The following PDE7B variants were observed in gnomAD, a reference collection of about 807,000 sequenced individuals.
PDE7B encodes phosphodiesterase 7B.
PDE7B carries 29 observed loss-of-function variants against 56.2 expected under a neutral mutation model. That is an observed-to-expected ratio of 0.52 (90% CI 0.38 to 0.70). The LOEUF (loss-of-function observed/expected upper bound fraction) is 0.70, where lower values mean the gene tolerates loss of function less well. PDE7B is among the 30% of genes least tolerant of loss of function. PDE7B has a pLI of 0.00. For missense variants in PDE7B, 490 were observed against 565.0 expected, an observed-to-expected ratio of 0.87 and a Z score of 1.35; for synonymous variants, 197 against 196.9, an observed-to-expected ratio of 1.00 and a Z score of 0.00.
chr6:135,896,469 CACCCGTTCCTATCTG>C (rs1775903671), intron 1 of PDE7B, among the ~76,000 whole-genome samples: 1 of 152,142 alleles, frequency 6.6e-6, no homozygotes, highest in African/African-American at 2.4e-5. Context: ...TATTTTTCTG[CACCCGTTCCTATCTG>C]ACCAGGCTAA....
chr6:136,011,423 C>A (rs546165290), intron 2 of PDE7B, among the ~76,000 whole-genome samples: 1 of 152,168 alleles, frequency 6.6e-6, no homozygotes, highest in South Asian at 2.1e-4. Context: ...ATTATAGAAT[C>A]TATTGGATCA....
intron 1 of PDE7B, among the ~76,000 whole-genome samples, chr6:135,945,313 C>T (rs902903627): frequency 7.2e-5 from 11 of 152,058 alleles, no homozygotes; most frequent in Non-Finnish European, 1.5e-4. Context: ...AAATATGACA[C>T]GAGGTGAGCA....
intron 1 of PDE7B, among the ~76,000 whole-genome samples, chr6:135,875,723 T>G (rs1775478847): frequency 6.6e-6 from 1 of 152,248 alleles, no homozygotes; most frequent in East Asian, 1.9e-4. Context: ...GTGTTTAGAC[T>G]AAAACGTATC....
intron 2 of PDE7B, among the ~76,000 whole-genome samples, chr6:136,077,108 G>A (rs1294269213): frequency 6.6e-6 from 1 of 151,042 alleles, no homozygotes; most frequent in African/African-American, 2.4e-5. Flanking sequence ...AGGTGGGGGT[G>A]GGAAGAGAGG....
rs1779240660 is a variant in PDE7B, at chr6:136,192,122, G to C, written c.*282G>C. 1 of 460,042 alleles carries C rather than the reference G, an allele frequency of 2.2e-6. No homozygotes were observed. Among genetic ancestry groups the C allele is most frequent in the East Asian group, 4.1e-5 (1 of 24,358 alleles). The allele number at this position is 460,042 out of a possible 1,614,324, so 28.5% of individuals were successfully genotyped here. ...TCCCTGCTCCAGGAGAAGACTAGGA[G>C]GAAGAATGAGGTGCTCCTGCCGTGT... is the stretch of plus-strand genomic sequence containing the variant. On this transcript the variant is annotated 3_prime_UTR_variant, in exon 13 of 13. Transcript: ENST00000308191.
At chr6:135,906,826 T>TTTG (rs1776121267) in intron 1 of PDE7B, among the ~76,000 whole-genome samples, 1 of 147,106 alleles carries the variant, frequency 6.8e-6, no homozygotes, top group East Asian at 2.0e-4. Context: ...TTTTTTTTTT[T>TTTG]TTTTTTTTTT....
chr6:135,974,670 C>T (rs1775152874), intron 2 of PDE7B, among the ~76,000 whole-genome samples: 1 of 152,154 alleles, frequency 6.6e-6, no homozygotes, highest in Non-Finnish European at 1.5e-5. Context: ...CAGTTACACC[C>T]CAGAAGGTAT....
intron 2 of PDE7B, among the ~76,000 whole-genome samples, chr6:135,982,217 A>T (rs149934378): frequency 1.6e-4 from 25 of 152,228 alleles, no homozygotes; most frequent in Non-Finnish European, 3.1e-4. Flanking sequence ...TAAGGAGGGG[A>T]TGTATTATAA....
intron 2 of PDE7B, among the ~76,000 whole-genome samples, chr6:136,008,583 A>G (rs565749738): frequency 6.6e-6 from 1 of 152,214 alleles, no homozygotes; most frequent in East Asian, 1.9e-4. Context: ...TCTGATGGCC[A>G]GTGAGGATGA....
intron 2 of PDE7B, among the ~76,000 whole-genome samples, chr6:135,997,010 C>G (rs914784783): frequency 1.3e-5 from 2 of 152,110 alleles, no homozygotes; most frequent in African/African-American, 4.8e-5. Context: ...TCTGAACTAT[C>G]CTTTAATAGC....
intron 2 of PDE7B, chr6:136,094,324 A>C (rs1777438203): frequency 6.6e-6 from 1 of 152,274 alleles, no homozygotes; most frequent in African/African-American, 2.4e-5. Flanking sequence ...ACACTTGTTA[A>C]CTCCTTGCCC....
intron 1 of PDE7B, among the ~76,000 whole-genome samples, chr6:135,926,146 G>A (rs963779743): frequency 6.7e-6 from 1 of 148,904 alleles, no homozygotes; most frequent in Non-Finnish European, 1.5e-5. Context: ...CAGTGCAGTG[G>A]CGCAATCTCG....
chr6:136,082,669 T>C (rs1777224805), intron 2 of PDE7B, among the ~76,000 whole-genome samples: 1 of 152,224 alleles, frequency 6.6e-6, no homozygotes, highest in African/African-American at 2.4e-5. Context: ...CCCTTCTGTT[T>C]ACTTACAACA....
intron 2 of PDE7B, among the ~76,000 whole-genome samples, chr6:136,047,130 T>C (rs983077847): frequency 2.6e-5 from 4 of 152,124 alleles, no homozygotes; most frequent in African/African-American, 9.7e-5. Context: ...TTTGTCTGAG[T>C]TACATTCCCA....
chr6:136,167,781 C>A (rs1778818469), intron 8 of PDE7B, among the ~76,000 whole-genome samples: 1 of 152,232 alleles, frequency 6.6e-6, no homozygotes, highest in African/African-American at 2.4e-5. Flanking sequence ...TCTTACTTAG[C>A]AAATTTATAG....
At chr6:136,040,609 G>A (rs780390875) in intron 2 of PDE7B, among the ~76,000 whole-genome samples, 14 of 152,154 alleles carry the variant, frequency 9.2e-5, no homozygotes, top group Non-Finnish European at 2.1e-4. Context: ...AGAAAGTGGT[G>A]ATTTAAGCTG....
At chr6:136,000,562 G>A (rs1226508790) in intron 2 of PDE7B, among the ~76,000 whole-genome samples, 5 of 152,126 alleles carry the variant, frequency 3.3e-5, no homozygotes, top group Non-Finnish European at 1.5e-5. Context: ...GGCTAAAGGT[G>A]TATGGCCTTA....
At chr6:136,081,288 C>G (rs1777203468) in intron 2 of PDE7B, among the ~76,000 whole-genome samples, 1 of 152,040 alleles carries the variant, frequency 6.6e-6, no homozygotes, top group South Asian at 2.1e-4. Context: ...CGGGGAGAAA[C>G]TAGGGGACTA....
intron 3 of PDE7B, among the ~76,000 whole-genome samples, chr6:136,127,794 G>A (rs1367366670): frequency 6.6e-6 from 1 of 152,142 alleles, no homozygotes; most frequent in Non-Finnish European, 1.5e-5. Flanking sequence ...AATGTTGAGG[G>A]GGTTTTGACC....
Sources: gnomAD v4.1 joint callset for allele counts (sites outside exome capture counted in the v4.1 genomes callset) on GRCh38, gnomAD v4.1.1 for gene constraint, MANE v1.5 for transcripts, NCBI Gene and HGNC (gene_info 2026-07-23, HGNC 2026-07-21) for gene names.